The following IGFL2 variants were observed in gnomAD, a reference collection of about 807,000 sequenced individuals.
The protein encoded by IGFL2 is insulin growth factor-like family member 2.
In IGFL2, 7 loss-of-function variants were observed where a neutral mutation model predicts 13.9. The observed-to-expected ratio is 0.51, with a 90% CI of 0.29 to 0.95. The LOEUF is 0.95. Among genes scored for constraint, IGFL2 ranks in the 40% least tolerant of loss-of-function variants. The pLI is 0.08. For synonymous variants in IGFL2, 55 were observed against 55.8 expected (o/e 0.99, Z 0.07); for missense variants, 138 against 147.8 (o/e 0.93, Z 0.34).
chr19:46,195,217 A>G, the IGFL2 span: 8 of 151,890 alleles, frequency 5.3e-5, no homozygotes, highest in African/African-American at 9.7e-5. Context: ...GAGTTTTGCC[A>G]TGTTACCCAG....
At chr19:46,174,425 A>G in the IGFL2 span, among the ~76,000 whole-genome samples, 2 of 152,204 alleles carry the variant, frequency 1.3e-5, no homozygotes, top group Admixed American at 1.3e-4. Context: ...CTGTTTTTCC[A>G]GAACAAAAAC....
chr19:46,184,574 C>T, the IGFL2 span, among the ~76,000 whole-genome samples: 2 of 152,136 alleles, frequency 1.3e-5, no homozygotes, highest in South Asian at 2.1e-4. Context: ...CAGCTTCATC[C>T]ATGTCCCTGC....
At position 46,149,120 on chromosome 19, in the gene IGFL2, A is replaced by G. The variant is rs926076111; in HGVS notation, c.19+823A>G. ...TGAGCAATGCCTGCTGTGTTCACTA[A>G]CTTCTTTTTGGGCAACCATCTCTCT... On this transcript the variant is annotated intron_variant, in intron 1 of 3. Transcript: ENST00000377693. 67 of 1,089,400 alleles carry G rather than the reference A, an allele frequency of 6.2e-5. 2 individuals carry two copies. In the South Asian group the frequency reaches 8.6e-4, roughly 14 times the overall value. 67.5% of individuals were successfully genotyped at this position (1,089,400 alleles called of 1,614,324 possible). A position where few individuals can be genotyped will look rare whatever the true frequency, so the allele number is the denominator to read the frequency against.
At chr19:46,140,659 C>G (rs1365059475), upstream of IGFL2, among the ~76,000 whole-genome samples, 1 of 152,142 alleles carries the variant, frequency 6.6e-6, no homozygotes, top group African/African-American at 2.4e-5. Context: ...AAACTACTAC[C>G]CTACGATTTG....
At chr19:46,098,625 C>T in the IGFL2 span, among the ~76,000 whole-genome samples, 1 of 151,974 alleles carries the variant, frequency 6.6e-6, no homozygotes, top group African/African-American at 2.4e-5. Context: ...ACTACAGGTG[C>T]ATGCCACCAT....
At chr19:46,133,905 A>G in the IGFL2 span, among the ~76,000 whole-genome samples, 3 of 152,174 alleles carry the variant, frequency 2.0e-5, no homozygotes, top group Admixed American at 6.5e-5. Context: ...ACAAAACTTC[A>G]TTGGAGATTA....
At chr19:46,093,790 CTGTT>C in the IGFL2 span, among the ~76,000 whole-genome samples, 10 of 152,080 alleles carry the variant, frequency 6.6e-5, no homozygotes, top group African/African-American at 1.4e-4. Context: ...CACTGTCTGT[CTGTT>C]TGAACAATTC....
At chr19:46,156,130 A>T (rs1224059435) in intron 1 of IGFL2, among the ~76,000 whole-genome samples, 1 of 152,174 alleles carries the variant, frequency 6.6e-6, no homozygotes, top group African/African-American at 2.4e-5. Flanking sequence ...ACTTTCTGAT[A>T]AATTTTAGAA....
chr19:46,085,183 G>A, the IGFL2 span, among the ~76,000 whole-genome samples: 37 of 152,036 alleles, frequency 2.4e-4, no homozygotes, highest in South Asian at 8.3e-4. Context: ...CCGAGATTGC[G>A]CCACTGCACT....
At chr19:46,118,145 C>T in the IGFL2 span, among the ~76,000 whole-genome samples, 2 of 152,098 alleles carry the variant, frequency 1.3e-5, no homozygotes, top group Non-Finnish European at 2.9e-5. Flanking sequence ...GTTTAGTGTT[C>T]ATAAATGTCT....
chr19:46,160,853 T>C lies in IGFL2; in HGVS notation c.313T>C (p.Ser105Pro), dbSNP rs886326668. 6.2e-7 allele frequency: 1 copy of C among 1,613,780 alleles called. No individual in the cohort carries two copies. Among genetic ancestry groups the C allele is most frequent in the Non-Finnish European group, 8.5e-7 (1 of 1,179,858 alleles). ...KVQGVNSQCH[S>P]SPISSKCESR... ...TCAGGGTGTGAATTCCCAGTGCCAC[T>C]CATCTCCCATCTCCAGTAAATGTGA... The change falls in exon 3 of 4, where the codon TCA (serine) becomes CCA (proline). Residue 105 changes from serine (S) to proline (P), a missense_variant. Coordinates refer to ENST00000377693, the MANE Select transcript of IGFL2 (RefSeq NM_001135113.2).
intron 1 of IGFL2, among the ~76,000 whole-genome samples, chr19:46,156,125 C>T (rs1973813512): frequency 6.6e-6 from 1 of 152,130 alleles, no homozygotes; most frequent in Non-Finnish European, 1.5e-5. Flanking sequence ...CCATCACTTT[C>T]TGATAAATTT....
At chr19:46,212,655 CAA>C in the IGFL2 span, 1 of 152,022 alleles carries the variant, frequency 6.6e-6, no homozygotes, top group Non-Finnish European at 1.5e-5. Context: ...TTCACAGTGA[CAA>C]TGACACCAAA....
the IGFL2 span, among the ~76,000 whole-genome samples, chr19:46,090,303 G>A: frequency 1.0e-3 from 156 of 152,204 alleles, no homozygotes; most frequent in African/African-American, 3.5e-3. Flanking sequence ...AGTTTGCTGA[G>A]CTTCCTTTAA....
the IGFL2 span, among the ~76,000 whole-genome samples, chr19:46,084,582 C>G: frequency 6.6e-6 from 1 of 152,150 alleles, no homozygotes; most frequent in Non-Finnish European, 1.5e-5. Context: ...AAGCATGGTG[C>G]CAACATCTGC....
At chr19:46,196,909 C>G in the IGFL2 span, 1 of 155,724 alleles carries the variant, frequency 6.4e-6, no homozygotes, top group Non-Finnish European at 1.4e-5. Context: ...ATGTGGAGCC[C>G]CCAGGTGAGC....
At chr19:46,095,845 G>C in the IGFL2 span, among the ~76,000 whole-genome samples, 20 of 152,162 alleles carry the variant, frequency 1.3e-4, no homozygotes, top group African/African-American at 4.8e-4. Context: ...GGTTGTAGAT[G>C]TGTGGACTTA....
downstream of IGFL2, among the ~76,000 whole-genome samples, chr19:46,162,816 G>A (rs977347506): frequency 4.6e-5 from 7 of 152,204 alleles, no homozygotes; most frequent in African/African-American, 1.7e-4. Flanking sequence ...AGTTCAGCAT[G>A]GTTCATAACT....
the IGFL2 span, chr19:46,212,736 T>C: frequency 7.6e-4 from 114 of 149,046 alleles, 1 homozygote; most frequent in African/African-American, 2.7e-3. Context: ...TCTCTCTCTC[T>C]CCTCTCACTG....
Sources: allele counts gnomAD v4.1 joint callset (sites outside exome capture counted in the v4.1 genomes callset), GRCh38; gene constraint gnomAD v4.1.1; transcripts MANE v1.5; gene names NCBI Gene and HGNC (gene_info 2026-07-23, HGNC 2026-07-21).